MTHFD1L: variants seen among roughly 807,000 people sequenced by gnomAD.
MTHFD1L encodes methylenetetrahydrofolate dehydrogenase (NADP+ dependent) 1 like.
MTHFD1L carries 81 observed loss-of-function variants against 119.5 expected under a neutral mutation model. The ratio of observed to expected loss-of-function variants is 0.68; its 90% CI spans 0.57 to 0.82. MTHFD1L has a LOEUF of 0.82. MTHFD1L is among the 40% of genes least tolerant of loss of function. MTHFD1L has a pLI of 0.00. For missense variants in MTHFD1L, 1,125 were observed against 1,253.4 expected, an observed-to-expected ratio of 0.90 and a Z score of 1.55; for synonymous variants, 430 against 475.2, an observed-to-expected ratio of 0.90 and a Z score of 1.24.
chr6:151,016,962 TCGGGG>T (rs1379762939), intron 24 of MTHFD1L, among the ~76,000 whole-genome samples: 1 of 150,938 alleles, frequency 6.6e-6, no homozygotes, highest in African/African-American at 2.4e-5. Context: ...TTTAGTAGAG[TCGGGG>T]TTTCACCGTG....
intron 26 of MTHFD1L, among the ~76,000 whole-genome samples, chr6:151,087,698 T>C (rs575218936): frequency 2.0e-5 from 3 of 152,256 alleles, no homozygotes; most frequent in Non-Finnish European, 4.4e-5. Context: ...CTTTTATTTC[T>C]TAATGACTAG....
intron 27 of MTHFD1L, chr6:151,099,714 C>A: frequency 6.2e-7 from 1 of 1,610,934 alleles, no homozygotes; most frequent in South Asian, 1.1e-5. Context: ...ATGGGAGCAA[C>A]AAAAAAACAA....
At chr6:150,925,365 A>G (rs1046994827) in intron 10 of MTHFD1L, among the ~76,000 whole-genome samples, 3 of 152,162 alleles carry the variant, frequency 2.0e-5, no homozygotes, top group African/African-American at 7.2e-5. Flanking sequence ...GACTGAGCAC[A>G]TGAGCCCCAG....
At chr6:150,937,147 T>C (rs17429293) in intron 12 of MTHFD1L, among the ~76,000 whole-genome samples, 33,820 of 151,652 alleles carry the variant, frequency 0.22, 4,029 homozygotes, top group African/African-American at 0.26. Flanking sequence ...CTTCACTGGA[T>C]GCCTCAGGAG....
chr6:150,905,839 TTA>T, intron 8 of MTHFD1L, 78 bp downstream of exon 8: 1 of 1,173,520 alleles, frequency 8.5e-7, no homozygotes, highest in South Asian at 1.2e-5. Context: ...TCCTAAGAGG[TTA>T]TGTTTCTGAA....
rs1029903527 is a variant in MTHFD1L at position 151,039,720 on chromosome 6, G to T, written c.2847+2603G>T. 5.9e-5 allele frequency among the ~76,000 whole-genome samples: 9 copies of T among 152,132 alleles called. No homozygotes were observed. The highest frequency in any genetic ancestry group is 2.2e-4 in the African/African-American group (9 of 41,422). On this transcript the variant is annotated intron_variant, in intron 26 of 27. Transcript: ENST00000367321. This position sits in a 1 kb window ranked among gnomAD's most constrained non-coding sequence, Gnocchi z 4.4. ...TCACAAGGTCAGGAGTTCGAGACCT[G>T]CCTGGCCAAAATGGTGAAACCCCAT...
chr6:151,077,235 C>T (rs1049226870), intron 26 of MTHFD1L, among the ~76,000 whole-genome samples: 1 of 152,158 alleles, frequency 6.6e-6, no homozygotes, highest in African/African-American at 2.4e-5. Flanking sequence ...CAACACACTT[C>T]ATCATAATAG....
At chr6:150,896,772 G>A (rs964635019) in intron 7 of MTHFD1L, among the ~76,000 whole-genome samples, 3 of 152,018 alleles carry the variant, frequency 2.0e-5, no homozygotes, top group Non-Finnish European at 2.9e-5. Flanking sequence ...TTGAGGGAAG[G>A]ATTTGTGAGA....
intron 26 of MTHFD1L, among the ~76,000 whole-genome samples, chr6:151,083,898 G>A (rs1793472751): frequency 6.6e-6 from 1 of 152,148 alleles, no homozygotes; most frequent in Non-Finnish European, 1.5e-5. Context: ...TTTCTAATCA[G>A]CAAAATGGGG....
chr6:150,922,113 G>T, intron 9 of MTHFD1L, 92 bp from the exon 10 acceptor site: 1 of 908,076 alleles, frequency 1.1e-6, no homozygotes, highest in Non-Finnish European at 1.8e-6. Context: ...ATCTTGTTTT[G>T]TAACATCCAC....
intron 24 of MTHFD1L, among the ~76,000 whole-genome samples, chr6:151,019,182 G>A (rs1051512979): frequency 3.9e-5 from 6 of 152,194 alleles, no homozygotes; most frequent in Non-Finnish European, 5.9e-5. Flanking sequence ...ACCACTGTAG[G>A]GAGAGTCACC....
chr6:150,890,552 G>A (rs903977459), intron 7 of MTHFD1L, among the ~76,000 whole-genome samples: 2 of 152,100 alleles, frequency 1.3e-5, no homozygotes, highest in Non-Finnish European at 2.9e-5. Flanking sequence ...TCTGAGTCAC[G>A]CGCACCAAAT....
intron 26 of MTHFD1L, among the ~76,000 whole-genome samples, chr6:151,062,202 C>T (rs1487193713): frequency 1.3e-5 from 2 of 152,086 alleles, no homozygotes; most frequent in African/African-American, 2.4e-5. Flanking sequence ...TTTGGAAGGC[C>T]GAGGCGAGCG....
intron 26 of MTHFD1L, among the ~76,000 whole-genome samples, chr6:151,052,779 A>G (rs904056878): frequency 6.6e-6 from 1 of 152,202 alleles, no homozygotes; most frequent in African/African-American, 2.4e-5. Context: ...GCTCTAGGCC[A>G]TTCTTCACTC....
intron 7 of MTHFD1L, among the ~76,000 whole-genome samples, chr6:150,897,139 G>A (rs1213587465): frequency 6.6e-6 from 1 of 151,940 alleles, no homozygotes; most frequent in Non-Finnish European, 1.5e-5. Context: ...TTGGGGTGGG[G>A]GCATGTAATT....
intron 5 of MTHFD1L, among the ~76,000 whole-genome samples, chr6:150,883,382 A>G (rs1781681151): frequency 6.6e-6 from 1 of 152,206 alleles, no homozygotes; most frequent in Non-Finnish European, 1.5e-5. Context: ...TTTGGAAAAT[A>G]CATTAGCCCT....
At position 151,015,584 on chromosome 6, in the gene MTHFD1L, T is replaced by G. The variant is rs61753800; in HGVS notation, c.2477T>G (p.Val826Gly). ...AAGCGGGCTGGTGCCTTTGATGCAG[T>G]CCCCTGCTATCACTGGTCCGTTGGT... The part of the protein sequence containing the change: ...LAKRAGAFDA[V>G]PCYHWSVGGK... Residue 826 changes from valine (V) to glycine (G), a missense_variant, in exon 24 of 28, where the codon GTC (valine) becomes GGC (glycine). Physicochemically the swap from Val to Gly is moderately radical, Grantham distance 109. Transcript: ENST00000367321. 38 of 1,614,036 alleles carry G rather than the reference T, an allele frequency of 2.4e-5. No individual in the cohort carries two copies. The highest frequency in any genetic ancestry group is 5.3e-5 in the African/African-American group (4 of 74,900).
chr6:150,926,279 T>C lies in MTHFD1L; in HGVS notation c.1240T>C (p.Tyr414His). The C allele has an allele frequency of 1.2e-6, 2 of 1,611,626 alleles. No individual in the cohort carries two copies. Among genetic ancestry groups the C allele is most frequent in the Non-Finnish European group, 1.7e-6 (2 of 1,178,150 alleles). Residue 414 changes from tyrosine to histidine, a missense_variant, in exon 11 of 28, where the codon TAC (tyrosine) becomes CAC (histidine). Transcript: ENST00000367321. This position sits in a 1 kb window ranked among gnomAD's most constrained non-coding sequence, Gnocchi z 4.3. ...ERLKDQADGKYVLVAGITPTP... is the reference protein window; with the variant it reads ...ERLKDQADGKHVLVAGITPTP... Reference sequence around the variant, plus strand: ...GTTAAAGGATCAAGCAGATGGAAAATACGTCTTAGTTGCTGGGTAAGACAC... The same window carrying C: ...GTTAAAGGATCAAGCAGATGGAAAACACGTCTTAGTTGCTGGGTAAGACAC...
At chr6:150,929,170 A>G (rs1351916277) in intron 11 of MTHFD1L, among the ~76,000 whole-genome samples, 7 of 152,214 alleles carry the variant, frequency 4.6e-5, no homozygotes, top group African/African-American at 1.7e-4. Context: ...TTTAGGGCAC[A>G]GTTTAGTCAG....
Sources: gnomAD v4.1 joint callset for allele counts (sites outside exome capture counted in the v4.1 genomes callset) on GRCh38, gnomAD v4.1.1 for gene constraint, Gnocchi (gnomAD v3.1) non-coding constraint, MANE v1.5 for transcripts, NCBI Gene and HGNC (gene_info 2026-07-23, HGNC 2026-07-21) for gene names.